JPH2: variants seen among roughly 807,000 people sequenced by gnomAD.
JPH2 encodes junctophilin 2, also known as junctophilin-2.
A neutral mutation model predicts 55.9 loss-of-function variants in JPH2; 38 were observed. That is an observed-to-expected ratio of 0.68 (90% CI 0.52 to 0.89). JPH2 has a LOEUF of 0.89. JPH2 is among the 40% of genes least tolerant of loss of function. JPH2 has a pLI of 0.00. For synonymous variants in JPH2, 480 were observed against 472.4 expected (o/e 1.02, Z -0.21); for missense variants, 964 against 1,037.6 (o/e 0.93, Z 0.97).
chr20:44,162,821 C>T (rs930742989), intron 1 of JPH2, among the ~76,000 whole-genome samples: 1 of 135,576 alleles, frequency 7.4e-6, no homozygotes, highest in South Asian at 2.4e-4. Context: ...CACACACACA[C>T]ACATCCTATT....
At chr20:44,117,180 G>A (rs1156690439) in intron 3 of JPH2, among the ~76,000 whole-genome samples, 3 of 152,218 alleles carry the variant, frequency 2.0e-5, no homozygotes, top group South Asian at 2.1e-4. Flanking sequence ...TCAGGAGGCC[G>A]AGGCAGGAGA....
At chr20:44,143,486 C>T (rs556663684) in intron 2 of JPH2, among the ~76,000 whole-genome samples, 17 of 152,198 alleles carry the variant, frequency 1.1e-4, no homozygotes, top group Non-Finnish European at 1.3e-4. Context: ...CCAGTGAATG[C>T]GGCACTGGAG....
intron 2 of JPH2, among the ~76,000 whole-genome samples, chr20:44,127,245 C>G (rs2072283398): frequency 6.6e-6 from 1 of 152,160 alleles, no homozygotes; most frequent in Non-Finnish European, 1.5e-5. Context: ...TTTTTGGTTA[C>G]TATGAATAAT....
chr20:44,181,128 C>G (rs969836388), intron 1 of JPH2, among the ~76,000 whole-genome samples: 2 of 152,000 alleles, frequency 1.3e-5, no homozygotes, highest in South Asian at 2.1e-4. Context: ...CCTTCCCATG[C>G]GAGAGCTGGA....
rs6103658 is a variant in JPH2, at chr20:44,156,093, C to A, written c.1169+3525G>T. ...AAAAGCAAAGAATCAGAAACTATCA[C>A]AGACCAAAGGGAACCAAGGAGATCT... is the stretch of plus-strand genomic sequence containing the variant. On this transcript the variant is annotated intron_variant, in intron 2 of 5. Coordinates refer to ENST00000372980, the MANE Select transcript of JPH2 (RefSeq NM_020433.5). Among the ~76,000 whole-genome samples the A allele has an allele frequency of 9.8e-3, 1,482 of 150,806 alleles. 29 individuals carry two copies. The highest frequency in any genetic ancestry group is 0.034 in the African/African-American group (1,402 of 41,206).
At chr20:44,162,811 C>CACACAT (rs2072624576) in intron 1 of JPH2, among the ~76,000 whole-genome samples, 1 of 129,990 alleles carries the variant, frequency 7.7e-6, no homozygotes, top group Admixed American at 8.1e-5. Context: ...CACACACACA[C>CACACAT]ACACACACAC....
intron 1 of JPH2, among the ~76,000 whole-genome samples, chr20:44,185,383 G>A (rs2072826110): frequency 6.6e-6 from 1 of 152,056 alleles, no homozygotes; most frequent in Admixed American, 6.6e-5. Context: ...CAGCAATTTG[G>A]GAGGCCGAGA....
At chr20:44,172,223 G>A (rs1217237566) in intron 1 of JPH2, among the ~76,000 whole-genome samples, 3 of 152,224 alleles carry the variant, frequency 2.0e-5, no homozygotes, top group South Asian at 2.1e-4. Context: ...TGCTAATACC[G>A]GGCAGTTTCA....
intron 2 of JPH2, among the ~76,000 whole-genome samples, chr20:44,146,814 A>T (rs1251336439): frequency 6.6e-6 from 1 of 152,220 alleles, no homozygotes; most frequent in Non-Finnish European, 1.5e-5. Context: ...GATAGCACAT[A>T]GCTCCAGCAG....
At position 44,125,969 on chromosome 20, in the gene JPH2, TA is replaced by T. The variant is rs1444425641; in HGVS notation, c.1170-7347del. Among the ~76,000 whole-genome samples the T allele has an allele frequency of 2.0e-5, 3 of 151,362 alleles. No homozygotes were observed. In the East Asian group the frequency reaches 5.9e-4, roughly 30 times the overall value. On this transcript the variant is annotated intron_variant, in intron 2 of 5. Transcript: ENST00000372980. The stretch of plus-strand genomic sequence containing the variant: ...AGTGAGACCCCGTCTCTACAAAAAA[TA>T]AAAATAAAAACATTAGCCAGGCATG...
rs113279388 is a variant in JPH2 at position 44,157,872 on chromosome 20, C to T, written c.1169+1746G>A. Among the ~76,000 whole-genome samples, 320 of 151,178 alleles carry T rather than the reference C, an allele frequency of 2.1e-3. 2 individuals carry two copies. The highest frequency in any genetic ancestry group is 7.0e-3 in the African/African-American group (283 of 40,530). Reference sequence around the variant, plus strand: ...AGGATTGCTGCAGCCCCAGGACAGGCGATTGCCTTTTACCACCCTCCTGCC... The same window carrying T: ...AGGATTGCTGCAGCCCCAGGACAGGTGATTGCCTTTTACCACCCTCCTGCC... On this transcript the variant is annotated intron_variant, in intron 2 of 5. Transcript: ENST00000372980.
rs199637403 is a variant in JPH2, at chr20:44,159,878, G to A, written c.909C>T (p.Phe303=). The change falls in exon 2 of 6, where the codon TTC becomes TTT. Residue 303 remains phenylalanine, a synonymous_variant. Transcript: ENST00000372980. The surrounding 1 kb of genome is among the most constrained non-coding windows in gnomAD (Gnocchi z 5.7). ...GGCCACTGGAGCGTTCGCTCACGCC[G>A]AAGCCCGAGCGTTTGTCGTTCTTCC... ...GEWKNDKRSG[F]GVSERSSGLR... The A allele has an allele frequency of 5.0e-6, 8 of 1,613,436 alleles. No individual in the cohort carries two copies. The Admixed American group carries it at 8.3e-5, about 17-fold the overall frequency.
rs540983967 is a variant in JPH2, at chr20:44,165,611, C to T, written c.380-5204G>A. Among the ~76,000 whole-genome samples, 627 of 152,286 alleles carry T rather than the reference C, an allele frequency of 4.1e-3. 11 individuals are homozygous for T. The highest frequency in any genetic ancestry group is 0.027 in the East Asian group (139 of 5,184). On this transcript the variant is annotated intron_variant, in intron 1 of 5. Coordinates refer to ENST00000372980, the MANE Select transcript of JPH2 (RefSeq NM_020433.5). ...GAAGAAAAGCTGAAGTCCTTAGTGA[C>T]CCACAGGCCCTACCTGACCTCATCC...
chr20:44,115,660 C>G lies in JPH2; in HGVS notation c.2010+5G>C. ...CCTTAGGCACACCTTGCCCGACAGC[C>G]TCACCTCTTCCACCTCCACCTCCGC... On this transcript the variant is annotated splice_donor_5th_base_variant and intron_variant, in intron 4 of 5. Transcript: ENST00000372980. The G allele has an allele frequency of 6.2e-7, 1 of 1,612,380 alleles. No individual in the cohort carries two copies. Among genetic ancestry groups the G allele is most frequent in the Non-Finnish European group, 8.5e-7 (1 of 1,179,954 alleles).
At chr20:44,118,437 G>C in intron 3 of JPH2, 68 bp downstream of exon 3, 1 of 1,229,184 alleles carries the variant, frequency 8.1e-7, no homozygotes, top group East Asian at 2.3e-5. Flanking sequence ...TCAGATTCCA[G>C]TAAGCAAAGA....
rs387906898 is a variant in JPH2, at chr20:44,160,293, G to A, written c.494C>T (p.Ser165Phe). 10 of 1,542,252 alleles carry A rather than the reference G, an allele frequency of 6.5e-6. No individual in the cohort carries two copies. The highest frequency in any genetic ancestry group is 8.7e-6 in the Non-Finnish European group (10 of 1,145,786). The change falls in exon 2 of 6, where the codon TCC becomes TTC. Residue 165 changes from serine (S) to phenylalanine (F), a missense_variant. By Grantham distance (155) the Ser-to-Phe change is radical. Coordinates refer to ENST00000372980, the MANE Select transcript of JPH2 (RefSeq NM_020433.5). The surrounding 1 kb of genome is among the most constrained non-coding windows in gnomAD (Gnocchi z 4.9). ...GCCGTTGCTGTGCTCGCTGCGCAGGGACGACAGCGACGTGCGCAGCGGCGA... is the reference window on the plus strand; with the variant it reads ...GCCGTTGCTGTGCTCGCTGCGCAGGAACGACAGCGACGTGCGCAGCGGCGA... ...VRSPLRTSLS[S>F]LRSEHSNGTV...
intron 2 of JPH2, among the ~76,000 whole-genome samples, chr20:44,133,792 T>C (rs1053240084): frequency 3.4e-5 from 5 of 146,646 alleles, no homozygotes; most frequent in African/African-American, 1.3e-4. Flanking sequence ...CTGGAAGGCA[T>C]GACTGAGATG....
intron 2 of JPH2, among the ~76,000 whole-genome samples, chr20:44,146,794 G>A (rs1192904939): frequency 6.6e-6 from 1 of 152,224 alleles, no homozygotes; most frequent in Non-Finnish European, 1.5e-5. Context: ...TGGCAAAGAT[G>A]CAAAAGACTG....
intron 1 of JPH2, among the ~76,000 whole-genome samples, chr20:44,171,016 C>T (rs1398591578): frequency 6.6e-6 from 1 of 152,190 alleles, no homozygotes; most frequent in Non-Finnish European, 1.5e-5. Flanking sequence ...CTTCAGTTGA[C>T]CCTTTGCTGC....
Sources: allele counts gnomAD v4.1 joint callset (sites outside exome capture counted in the v4.1 genomes callset), GRCh38; gene constraint gnomAD v4.1.1; non-coding constraint Gnocchi (gnomAD v3.1); transcripts MANE v1.5; gene names NCBI Gene and HGNC (gene_info 2026-07-23, HGNC 2026-07-21).